CACNA1H: variants seen among roughly 807,000 people sequenced by gnomAD.
The protein encoded by CACNA1H is calcium voltage-gated channel subunit alpha1 H.
Under a neutral mutation model 192.5 loss-of-function variants are expected in CACNA1H, and 149 were observed. That is an observed-to-expected ratio of 0.77 (90% CI 0.68 to 0.89). The LOEUF is 0.89. Among genes scored for constraint, CACNA1H ranks in the 40% least tolerant of loss-of-function variants. CACNA1H has a pLI of 0.00. For synonymous variants in CACNA1H, 2,202 were observed against 1,475.2 expected (o/e 1.49, Z -11.29); for missense variants, 4,257 against 3,423.5 (o/e 1.24, Z -6.08).
At chr16:1,160,332 G>T (rs1387976170) in intron 2 of CACNA1H, among the ~76,000 whole-genome samples, 1 of 152,224 alleles carries the variant, frequency 6.6e-6, no homozygotes, top group Non-Finnish European at 1.5e-5. Flanking sequence ...TGAATTTCCA[G>T]GGTGGAGATT....
In CACNA1H at chr16:1,204,245, C is replaced by T. The variant is rs747810957; in HGVS notation, c.2238C>T (p.Pro746=). Residue 746 remains proline (P), a synonymous_variant, in exon 10 of 35, where the codon CCC becomes CCT. Transcript: ENST00000348261. The part of the protein sequence containing the change: ...HGDRWDPTRP[P]RATDTPGPGP... ...ACCGCTGGGACCCCACGCGACCACCCCGTGCGACGGACACACCAGGCCCAG... is the reference window on the plus strand; with the variant it reads ...ACCGCTGGGACCCCACGCGACCACCTCGTGCGACGGACACACCAGGCCCAG... The T allele has an allele frequency of 8.7e-6, 14 of 1,610,424 alleles. No individual in the cohort carries two copies. The highest frequency in any genetic ancestry group is 7.7e-5 in the South Asian group (7 of 90,748).
intron 2 of CACNA1H, among the ~76,000 whole-genome samples, chr16:1,165,486 C>T (rs751901646): frequency 2.6e-5 from 4 of 152,196 alleles, no homozygotes; most frequent in Non-Finnish European, 5.9e-5. Context: ...GAGCCCCCGT[C>T]CTGCGCACTC....
At position 1,217,924 on chromosome 16, in the gene CACNA1H, A is replaced by G. The variant is rs1970166520; in HGVS notation, c.5329A>G (p.Ser1777Gly). 3 of 1,603,498 alleles carry G rather than the reference A, an allele frequency of 1.9e-6. No individual in the cohort carries two copies. Among genetic ancestry groups the G allele is most frequent in the Admixed American group, 1.7e-5 (1 of 58,982 alleles). The part of the protein sequence containing the change: ...GVELFGRLEC[S>G]EDNPCEGLSR... ...CGGGGTCTCCCTCCCCGCAGAGTGC[A>G]GTGAAGACAACCCCTGCGAGGGCCT... is the stretch of plus-strand genomic sequence containing the variant. Residue 1777 changes from serine to glycine, a missense_variant, in exon 32 of 35, where the codon AGT becomes GGT. Physicochemically the swap from Ser to Gly is moderately conservative, Grantham distance 56. Coordinates refer to ENST00000348261, the MANE Select transcript of CACNA1H (RefSeq NM_021098.3).
chr16:1,194,121 C>T (rs1400885989), intron 2 of CACNA1H, among the ~76,000 whole-genome samples: 6 of 152,070 alleles, frequency 3.9e-5, no homozygotes, highest in Non-Finnish European at 7.4e-5. Context: ...CTGGGAAGGG[C>T]GGCCCCCGAG....
chr16:1,216,015 G>C (rs959781760), intron 30 of CACNA1H, among the ~76,000 whole-genome samples: 4 of 152,064 alleles, frequency 2.6e-5, no homozygotes, highest in African/African-American at 9.7e-5. Context: ...CCTGGCCCCT[G>C]CCCAGATCCT....
rs760918600 is a variant in CACNA1H at position 1,220,770 on chromosome 16, C to G, written c.6838C>G (p.Pro2280Ala). 6.2e-7 allele frequency: 1 copy of G among 1,612,642 alleles called. No homozygotes were observed. Among genetic ancestry groups the G allele is most frequent in the Non-Finnish European group, 8.5e-7 (1 of 1,179,786 alleles). The change falls in exon 35 of 35, where the codon CCT becomes GCT. Residue 2280 changes from proline (P) to alanine (A), a missense_variant. By Grantham distance (27) the Pro-to-Ala change is conservative. Coordinates refer to ENST00000348261, the MANE Select transcript of CACNA1H (RefSeq NM_021098.3). ...GGACCTCGGGGTCCCCAGTGGAGACCCTTTCTTGGACGGTAGCCACAGTGT... is the reference window on the plus strand; with the variant it reads ...GGACCTCGGGGTCCCCAGTGGAGACGCTTTCTTGGACGGTAGCCACAGTGT... ...PLDLGVPSGD[P>A]FLDGSHSVTP...
intron 2 of CACNA1H, among the ~76,000 whole-genome samples, chr16:1,193,621 T>G (rs1286878701): frequency 6.6e-6 from 1 of 152,248 alleles, no homozygotes; most frequent in Non-Finnish European, 1.5e-5. Flanking sequence ...GAGGCTGATT[T>G]CGGCTTTCTT....
In CACNA1H at chr16:1,196,030, G is replaced by T. The variant is rs1966923809; in HGVS notation, c.643+7G>T. 1 of 1,608,436 alleles carries T rather than the reference G, an allele frequency of 6.2e-7. No individual in the cohort carries two copies. The highest frequency in any genetic ancestry group is 8.5e-7 in the Non-Finnish European group (1 of 1,176,000). On this transcript the variant is annotated splice_region_variant and intron_variant, in intron 5 of 34. Transcript: ENST00000348261. ...GCCATCAACCGCGTGCCTAGTAAGT[G>T]ACCGGCCCCGACTGGGCTTGAGATC...
intron 5 of CACNA1H, among the ~76,000 whole-genome samples, chr16:1,197,520 C>T (rs1040262007): frequency 6.6e-6 from 1 of 152,196 alleles, no homozygotes; most frequent in Non-Finnish European, 1.5e-5. Flanking sequence ...GGAACTCTTC[C>T]AGACTGGATA....
At position 1,211,883 on chromosome 16, in the gene CACNA1H, G is replaced by T. The variant is rs1030933523; in HGVS notation, c.4567-63G>T. 1.1e-5 allele frequency: 17 copies of T among 1,610,074 alleles called. No individual in the cohort carries two copies. The African/African-American group carries it at 1.3e-4, about 13-fold the overall frequency. On this transcript the variant is annotated intron_variant, in intron 24 of 34. Coordinates refer to ENST00000348261, the MANE Select transcript of CACNA1H (RefSeq NM_021098.3). ...GCCTTGGCCTCTGGGGACTCGGGGGGCCATCCTGGGTAGGGCCCCTGGCGG... is the reference window on the plus strand; with the variant it reads ...GCCTTGGCCTCTGGGGACTCGGGGGTCCATCCTGGGTAGGGCCCCTGGCGG...
chr16:1,198,210 G>A (rs935266246), intron 5 of CACNA1H, among the ~76,000 whole-genome samples: 31 of 152,274 alleles, frequency 2.0e-4, no homozygotes, highest in African/African-American at 6.3e-4. Context: ...ACTGGGCTCC[G>A]CCTGGTCATC....
At chr16:1,206,431 C>G in intron 12 of CACNA1H, 142 bp downstream of exon 12, 1 of 740,200 alleles carries the variant, frequency 1.4e-6, no homozygotes, top group Non-Finnish European at 2.2e-6. Context: ...CCTCTGCTGC[C>G]TTCATTTGAG....
At chr16:1,162,910 T>A (rs1392861611) in intron 2 of CACNA1H, among the ~76,000 whole-genome samples, 1 of 152,208 alleles carries the variant, frequency 6.6e-6, no homozygotes, top group African/African-American at 2.4e-5. Flanking sequence ...CCCAGGTCCC[T>A]GGAACGCCTC....
chr16:1,197,880 G>A (rs930380076), intron 5 of CACNA1H, among the ~76,000 whole-genome samples: 7 of 152,304 alleles, frequency 4.6e-5, no homozygotes, highest in East Asian at 3.9e-4. Context: ...AGGATGGAGC[G>A]AGGGGCGCGT....
intron 30 of CACNA1H, 80 bp downstream of exon 30, chr16:1,215,673 C>T (rs774348637): frequency 9.6e-5 from 109 of 1,129,848 alleles, no homozygotes; most frequent in Admixed American, 3.5e-4. Context: ...CCCCCTCTCC[C>T]CCTCACTCGT....
chr16:1,185,189 C>G lies in CACNA1H; in HGVS notation c.300-9783C>G, dbSNP rs527901812. On this transcript the variant is annotated intron_variant, in intron 2 of 34. Coordinates refer to ENST00000348261, the MANE Select transcript of CACNA1H (RefSeq NM_021098.3). Reference sequence around the variant, plus strand: ...TGTTGTGGCGTGTGGAGCTTTCTTCCTTTTCATGGCTGAGTAATATTCCAG... The same window carrying G: ...TGTTGTGGCGTGTGGAGCTTTCTTCGTTTTCATGGCTGAGTAATATTCCAG... Among the ~76,000 whole-genome samples the G allele has an allele frequency of 8.5e-5, 13 of 152,206 alleles. No individual in the cohort carries two copies. In the East Asian group the frequency reaches 1.9e-3, roughly 23 times the overall value.
At chr16:1,207,980 C>T in intron 15 of CACNA1H, 33 bp from the exon 16 acceptor site, 1 of 1,570,182 alleles carries the variant, frequency 6.4e-7, no homozygotes, top group Non-Finnish European at 8.6e-7. Context: ...AGCCTGGCAG[C>T]TCTAGGGGCC....
intron 26 of CACNA1H, 149 bp downstream of exon 26, chr16:1,212,677 C>T (rs1233670177): frequency 7.5e-6 from 7 of 930,070 alleles, no homozygotes; most frequent in Admixed American, 2.3e-5. Context: ...GGGCTGCGCT[C>T]GCCCGCCAGT....
chr16:1,200,581 A>C lies in CACNA1H; in HGVS notation c.1119+10A>C. ...GATTGCCATCTTCCAGGTGGGCGGCAAGATGGTGGGACGGGGACCCTGGGG... is the reference window on the plus strand; with the variant it reads ...GATTGCCATCTTCCAGGTGGGCGGCCAGATGGTGGGACGGGGACCCTGGGG... On this transcript the variant is annotated intron_variant, in intron 7 of 34. Transcript: ENST00000348261. 6.2e-7 allele frequency: 1 copy of C among 1,611,416 alleles called. No homozygotes were observed.
Sources: gnomAD v4.1 joint callset for allele counts (sites outside exome capture counted in the v4.1 genomes callset) on GRCh38, gnomAD v4.1.1 for gene constraint, MANE v1.5 for transcripts, NCBI Gene and HGNC (gene_info 2026-07-23, HGNC 2026-07-21) for gene names.